NAALADL2: variants seen among roughly 807,000 people sequenced by gnomAD.
The protein encoded by NAALADL2 is inactive N-acetylated-alpha-linked acidic dipeptidase-like protein 2.
A neutral mutation model predicts 87.2 loss-of-function variants in NAALADL2; 76 were observed. The observed-to-expected ratio is 0.87, with a 90% CI of 0.72 to 1.05. The LOEUF is 1.05. Among genes scored for constraint, NAALADL2 ranks in the 50% least tolerant of loss-of-function variants. NAALADL2 has a pLI of 0.00. For missense variants in NAALADL2, 1,089 were observed against 945.8 expected (o/e 1.15, Z -1.99); for synonymous variants, 354 against 331.0 (o/e 1.07, Z -0.75).
At chr3:174,805,351 G>T (rs193115667) in intron 3 of NAALADL2, among the ~76,000 whole-genome samples, 36 of 152,050 alleles carry the variant, frequency 2.4e-4, no homozygotes, top group African/African-American at 8.4e-4. Flanking sequence ...GGATTACTTC[G>T]TTGTTCTAAG....
intron 5 of NAALADL2, among the ~76,000 whole-genome samples, chr3:175,359,272 A>T (rs1764714493): frequency 6.6e-6 from 1 of 152,114 alleles, no homozygotes; most frequent in African/African-American, 2.4e-5. Context: ...CTCCCAGAAA[A>T]CTAATCACCT....
At chr3:174,755,446 G>A (rs1178490444) in intron 3 of NAALADL2, among the ~76,000 whole-genome samples, 1 of 152,100 alleles carries the variant, frequency 6.6e-6, no homozygotes, top group Non-Finnish European at 1.5e-5. Flanking sequence ...AAATTAATAT[G>A]TAACAAAGTT....
At chr3:175,486,753 G>A (rs1194575783) in intron 9 of NAALADL2, among the ~76,000 whole-genome samples, 1 of 151,900 alleles carries the variant, frequency 6.6e-6, no homozygotes, top group Non-Finnish European at 1.5e-5. Context: ...TCAGTCTTCT[G>A]TGCGATATCA....
At chr3:175,570,889 A>G (rs1020898265) in intron 9 of NAALADL2, among the ~76,000 whole-genome samples, 2 of 151,854 alleles carry the variant, frequency 1.3e-5, no homozygotes, top group African/African-American at 4.8e-5. Flanking sequence ...CAAAAAAAAA[A>G]AAAAAAAAAG....
intron 1 of NAALADL2, chr3:175,059,938 G>A (rs1448479260): frequency 3.4e-5 from 14 of 417,198 alleles, no homozygotes; most frequent in South Asian, 2.6e-4. Flanking sequence ...ATCTGCTTGT[G>A]GTGGCACATA....
At chr3:174,903,087 T>G (rs903539378) in intron 1 of NAALADL2, among the ~76,000 whole-genome samples, 4 of 152,076 alleles carry the variant, frequency 2.6e-5, no homozygotes, top group Non-Finnish European at 5.9e-5. Context: ...AGCCACTATA[T>G]TCATAAGGTA....
At chr3:175,551,468 T>G (rs1714347132) in intron 9 of NAALADL2, among the ~76,000 whole-genome samples, 1 of 152,188 alleles carries the variant, frequency 6.6e-6, no homozygotes, top group Non-Finnish European at 1.5e-5. Flanking sequence ...GCTTCACATT[T>G]TTAAAACAGT....
In NAALADL2 at chr3:175,311,320, A is replaced by T. The variant is rs117417504; in HGVS notation, c.940-12855A>T. 1.7e-3 allele frequency among the ~76,000 whole-genome samples: 253 copies of T among 152,106 alleles called. 3 individuals are homozygous for T. The highest frequency in any genetic ancestry group is 0.016 in the East Asian group (85 of 5,170). Reference sequence around the variant, plus strand: ...ATATGAATTTAAAAAAGAAATCTATAAAGTCACATTATTATTTTCCATTAC... The same window carrying T: ...ATATGAATTTAAAAAAGAAATCTATTAAGTCACATTATTATTTTCCATTAC... On this transcript the variant is annotated intron_variant, in intron 4 of 13. Transcript: ENST00000454872.
intron 2 of NAALADL2, among the ~76,000 whole-genome samples, chr3:174,595,525 G>A (rs941439958): frequency 1.8e-4 from 28 of 152,154 alleles, no homozygotes; most frequent in Admixed American, 1.8e-3. Context: ...CTGGAAATTA[G>A]TGGTTTACAC....
At chr3:175,772,972 C>T (rs1749711755) in intron 13 of NAALADL2, among the ~76,000 whole-genome samples, 1 of 152,022 alleles carries the variant, frequency 6.6e-6, no homozygotes, top group South Asian at 2.1e-4. Context: ...ACAGAGAAAT[C>T]GAGGAGTAAA....
intron 2 of NAALADL2, among the ~76,000 whole-genome samples, chr3:174,731,119 T>G (rs191745262): frequency 6.6e-6 from 1 of 152,082 alleles, no homozygotes; most frequent in African/African-American, 2.4e-5. Flanking sequence ...CACACTATCA[T>G]GGAAAGGCAA....
intron 5 of NAALADL2, among the ~76,000 whole-genome samples, chr3:175,341,864 G>T (rs1369081386): frequency 6.6e-6 from 1 of 152,054 alleles, no homozygotes; most frequent in Non-Finnish European, 1.5e-5. Flanking sequence ...TGATGTAGGA[G>T]TCCAACTTTA....
At chr3:174,956,258 G>A (rs1301643550) in intron 1 of NAALADL2, among the ~76,000 whole-genome samples, 1 of 152,020 alleles carries the variant, frequency 6.6e-6, no homozygotes, top group South Asian at 2.1e-4. Flanking sequence ...ATTTTGTCAT[G>A]GTAATCTTGT....
At chr3:174,502,569 T>C (rs1378045797) in intron 1 of NAALADL2, among the ~76,000 whole-genome samples, 2 of 152,216 alleles carry the variant, frequency 1.3e-5, no homozygotes, top group African/African-American at 4.8e-5. Flanking sequence ...TCAGTTATTT[T>C]CATTTGAATA....
chr3:175,313,949 C>T (rs1205181161), intron 4 of NAALADL2, among the ~76,000 whole-genome samples: 1 of 151,700 alleles, frequency 6.6e-6, no homozygotes, highest in African/African-American at 2.4e-5. Context: ...GTAGTCCCAG[C>T]TACTCAGGAG....
chr3:175,737,214 A>T, intron 11 of NAALADL2, 92 bp from the exon 12 acceptor site: 1 of 752,978 alleles, frequency 1.3e-6, no homozygotes, highest in South Asian at 1.5e-5. Flanking sequence ...GCTGCTCTAG[A>T]TGTATAAAAA....
intron 1 of NAALADL2, among the ~76,000 whole-genome samples, chr3:175,029,881 T>C (rs1053297819): frequency 1.3e-5 from 2 of 152,090 alleles, no homozygotes; most frequent in African/African-American, 4.8e-5. Flanking sequence ...CATCATCCAA[T>C]AGGTGCTTTA....
At chr3:174,990,648 T>C (rs1183832741) in intron 1 of NAALADL2, among the ~76,000 whole-genome samples, 1 of 152,052 alleles carries the variant, frequency 6.6e-6, no homozygotes, top group Non-Finnish European at 1.5e-5. Flanking sequence ...ATAGGAAAAA[T>C]TTCTAAAGCT....
intron 2 of NAALADL2, among the ~76,000 whole-genome samples, chr3:175,109,989 C>A (rs1380428482): frequency 6.6e-6 from 1 of 151,822 alleles, no homozygotes; most frequent in African/African-American, 2.4e-5. Flanking sequence ...TCCTACCTCT[C>A]TCTTTAAAAA....
Sources: allele counts gnomAD v4.1 joint callset (sites outside exome capture counted in the v4.1 genomes callset), GRCh38; gene constraint gnomAD v4.1.1; transcripts MANE v1.5; gene names NCBI Gene and HGNC (gene_info 2026-07-23, HGNC 2026-07-21).